AUH: variants seen among roughly 807,000 people sequenced by gnomAD.
AUH encodes the protein AU RNA binding methylglutaconyl-CoA hydratase.
Under a neutral mutation model 42.3 loss-of-function variants are expected in AUH, and 29 were observed. The ratio of observed to expected loss-of-function variants is 0.69; its 90% CI spans 0.51 to 0.93. The LOEUF (loss-of-function observed/expected upper bound fraction) is 0.93, where lower values mean the gene tolerates loss of function less well. Ranked by LOEUF, AUH falls within the 40% of genes least tolerant of loss-of-function variation. The probability of loss-of-function intolerance (pLI) is 0.00; values close to 1 mark genes in which losing one functional copy is unlikely to be tolerated. For synonymous variants in AUH, 174 were observed against 166.4 expected (o/e 1.05, Z -0.35); for missense variants, 452 against 438.1 (o/e 1.03, Z -0.28).
chr9:91,271,544 T>C (rs1043497328), intron 6 of AUH, among the ~76,000 whole-genome samples: 2 of 152,242 alleles, frequency 1.3e-5, no homozygotes, highest in African/African-American at 2.4e-5. Context: ...AGGCATTTAG[T>C]AAAAAATGTA....
chr9:91,321,965 C>T (rs2131838962), intron 4 of AUH, among the ~76,000 whole-genome samples: 1 of 152,226 alleles, frequency 6.6e-6, no homozygotes, highest in East Asian at 1.9e-4. Flanking sequence ...ATAAAGCCTG[C>T]CTGCCTGTGA....
intron 6 of AUH, among the ~76,000 whole-genome samples, chr9:91,270,234 A>G (rs1251818280): frequency 2.0e-5 from 3 of 152,174 alleles, no homozygotes; most frequent in Non-Finnish European, 4.4e-5. Flanking sequence ...CCAACTGGCA[A>G]CATGCAGGGA....
intron 7 of AUH, 34 bp from the exon 8 acceptor site, chr9:91,217,361 A>AT (rs753190979): frequency 6.3e-7 from 1 of 1,591,242 alleles, no homozygotes; most frequent in Non-Finnish European, 8.6e-7. Flanking sequence ...GACTTCAATT[A>AT]TTTTTTATGC....
intron 6 of AUH, among the ~76,000 whole-genome samples, chr9:91,275,782 T>C (rs572556710): frequency 6.6e-6 from 1 of 152,306 alleles, no homozygotes; most frequent in Non-Finnish European, 1.5e-5. Flanking sequence ...GGTCAAGGAA[T>C]AAATTGATTC....
chr9:91,264,247 A>T (rs902471167), intron 6 of AUH, among the ~76,000 whole-genome samples: 1 of 152,188 alleles, frequency 6.6e-6, no homozygotes, highest in African/African-American at 2.4e-5. Context: ...AATAAATTTT[A>T]AAAATCTAGT....
At chr9:91,350,769 A>ACAAAAAG (rs2132044842) in intron 3 of AUH, among the ~76,000 whole-genome samples, 1 of 152,164 alleles carries the variant, frequency 6.6e-6, no homozygotes, top group South Asian at 2.1e-4. Flanking sequence ...AAAAAAAAAA[A>ACAAAAAG]ACAAAAAGAA....
chr9:91,294,085 T>G (rs1306476102), intron 6 of AUH, among the ~76,000 whole-genome samples: 2 of 152,150 alleles, frequency 1.3e-5, no homozygotes, highest in Non-Finnish European at 2.9e-5. Context: ...TGAGACCTAC[T>G]GCTCAAAAAA....
intron 6 of AUH, among the ~76,000 whole-genome samples, chr9:91,268,996 T>G (rs567040913): frequency 1.6e-4 from 24 of 152,274 alleles, no homozygotes; most frequent in Admixed American, 1.4e-3. Context: ...TCTTTTTTTT[T>G]TTGAGATGGA....
chr9:91,271,371 C>T (rs1825109782), intron 6 of AUH, among the ~76,000 whole-genome samples: 1 of 152,236 alleles, frequency 6.6e-6, no homozygotes, highest in South Asian at 2.1e-4. Context: ...CAAAGCTTGA[C>T]AGCTACCAGT....
chr9:91,314,811 T>C (rs1270803824), intron 4 of AUH, among the ~76,000 whole-genome samples: 1 of 152,222 alleles, frequency 6.6e-6, no homozygotes, highest in East Asian at 1.9e-4. Flanking sequence ...GCCCCGCCCT[T>C]CTGCCGTTCT....
intron 6 of AUH, among the ~76,000 whole-genome samples, 198 bp downstream of exon 6, chr9:91,295,823 G>A (rs1287829446): frequency 6.6e-6 from 1 of 152,152 alleles, no homozygotes; most frequent in African/African-American, 2.4e-5. Context: ...TTGCTCTATC[G>A]CAGTATTTGT....
chr9:91,292,358 A>C, intron 6 of AUH, among the ~76,000 whole-genome samples: 1 of 144,276 alleles, frequency 6.9e-6, no homozygotes, highest in African/African-American at 2.6e-5. Flanking sequence ...GGCTCACTGC[A>C]ATTTCCACCA....
chr9:91,266,519 C>A (rs1225651635), intron 6 of AUH, among the ~76,000 whole-genome samples: 1 of 152,150 alleles, frequency 6.6e-6, no homozygotes, highest in Admixed American at 6.5e-5. Context: ...TAATTTGTGG[C>A]CTCTACAATA....
chr9:91,333,468 G>C (rs933055364), intron 3 of AUH, among the ~76,000 whole-genome samples: 1 of 152,016 alleles, frequency 6.6e-6, no homozygotes, highest in Non-Finnish European at 1.5e-5. Flanking sequence ...GCACAGAACT[G>C]ACAAAAGCAA....
At chr9:91,313,615 G>T (rs912718597) in intron 4 of AUH, among the ~76,000 whole-genome samples, 2 of 148,672 alleles carry the variant, frequency 1.3e-5, no homozygotes, top group Non-Finnish European at 3.0e-5. Flanking sequence ...TGAGGCAGGA[G>T]AATGGCGTGA....
intron 6 of AUH, among the ~76,000 whole-genome samples, chr9:91,241,384 G>C (rs1027751221): frequency 6.6e-6 from 1 of 151,924 alleles, no homozygotes; most frequent in African/African-American, 2.4e-5. Flanking sequence ...TATTTATATA[G>C]ACAATATGTT....
At chr9:91,216,297 G>C (rs1359285653) in intron 8 of AUH, among the ~76,000 whole-genome samples, 191 bp from the exon 9 acceptor site, 1 of 152,138 alleles carries the variant, frequency 6.6e-6, no homozygotes, top group East Asian at 1.9e-4. Flanking sequence ...CCTCACTTGG[G>C]AGCTGAGTTA....
intron 4 of AUH, chr9:91,306,195 G>C (rs1828207792): frequency 4.4e-6 from 1 of 229,094 alleles, no homozygotes; most frequent in Admixed American, 6.5e-5. Context: ...AAAATAAAAA[G>C]GGCCAACCCC....
chr9:91,216,737 A>ATTAT (rs1826841950), intron 8 of AUH, among the ~76,000 whole-genome samples: 1 of 152,070 alleles, frequency 6.6e-6, no homozygotes, highest in African/African-American at 2.4e-5. Context: ...AAGTCCAATA[A>ATTAT]ATGGGTATGT....
Sources: allele counts gnomAD v4.1 joint callset (sites outside exome capture counted in the v4.1 genomes callset), GRCh38; gene constraint gnomAD v4.1.1; transcripts MANE v1.5; gene names NCBI Gene and HGNC (gene_info 2026-07-23, HGNC 2026-07-21).